The following MPP3 variants were observed in gnomAD, a reference collection of about 807,000 sequenced individuals.
MPP3 encodes MAGUK p55 subfamily member 3.
In MPP3, 48 loss-of-function variants were observed where a neutral mutation model predicts 80.7. The observed-to-expected ratio is 0.59, with a 90% CI of 0.47 to 0.76. The LOEUF is 0.76. Among genes scored for constraint, MPP3 ranks in the 30% least tolerant of loss-of-function variants. The pLI, the probability that MPP3 is intolerant of heterozygous loss-of-function variation, is 0.00. For synonymous variants in MPP3, 311 were observed against 297.6 expected (o/e 1.04, Z -0.46); for missense variants, 620 against 763.0 (o/e 0.81, Z 2.21).
chr17:43,812,760 G>T (rs1387903192), intron 16 of MPP3, among the ~76,000 whole-genome samples: 2 of 152,174 alleles, frequency 1.3e-5, no homozygotes, highest in African/African-American at 4.8e-5. Context: ...GATCCAAGGG[G>T]TTCTGAACGA....
intron 14 of MPP3, among the ~76,000 whole-genome samples, chr17:43,815,443 A>T (rs1395244576): frequency 2.6e-5 from 4 of 152,154 alleles, no homozygotes; most frequent in South Asian, 2.1e-4. Context: ...TACAAAAAAA[A>T]TTTTTTTAAT....
intron 11 of MPP3, among the ~76,000 whole-genome samples, chr17:43,819,403 G>A (rs1245044781): frequency 6.6e-6 from 1 of 152,240 alleles, no homozygotes; most frequent in African/African-American, 2.4e-5. Context: ...GAAGAATTGG[G>A]AACAACCTAA....
intron 14 of MPP3, among the ~76,000 whole-genome samples, chr17:43,814,944 T>C (rs939516743): frequency 3.9e-5 from 6 of 152,192 alleles, no homozygotes; most frequent in African/African-American, 1.4e-4. Context: ...TGAGCAAACA[T>C]GGCAAAGGAG....
intron 19 of MPP3, 68 bp downstream of exon 19, chr17:43,808,888 A>AG: frequency 6.5e-7 from 1 of 1,533,634 alleles, no homozygotes; most frequent in Non-Finnish European, 8.7e-7. Flanking sequence ...ACCCTTATGC[A>AG]GCTAGAAGCG....
Position 43,816,667 on chromosome 17 carries a change from C to A in MPP3, c.967+10G>T. The stretch of plus-strand genomic sequence containing the variant: ...CACGCCTGTGGACAGCGGATAGATA[C>A]TGGGCCTACCTTTGTCACAAGGCTG... On this transcript the variant is annotated intron_variant, in intron 13 of 19. Transcript: ENST00000398389. 6.4e-7 allele frequency: 1 copy of A among 1,573,204 alleles called. No individual in the cohort carries two copies. The highest frequency in any genetic ancestry group is 2.3e-5 in the East Asian group (1 of 43,056).
intron 14 of MPP3, 52 bp from the exon 15 acceptor site, chr17:43,814,413 G>A (rs770739666): frequency 6.5e-7 from 1 of 1,541,950 alleles, no homozygotes; most frequent in Admixed American, 1.9e-5. Flanking sequence ...GTTGTCCCAG[G>A]ATCTCCCAGT....
chr17:43,830,719 G>C (rs1598372496), intron 5 of MPP3, among the ~76,000 whole-genome samples: 1 of 152,200 alleles, frequency 6.6e-6, no homozygotes, highest in African/African-American at 2.4e-5. Flanking sequence ...GGTTAGGTGA[G>C]TTTATTCAGG....
At chr17:43,810,737 G>T (rs1197600300) in intron 18 of MPP3, 70 bp downstream of exon 18, 1 of 1,040,148 alleles carries the variant, frequency 9.6e-7, no homozygotes, top group Non-Finnish European at 1.4e-6. Flanking sequence ...GTTAAGTGTT[G>T]TGTAAAATGT....
intron 18 of MPP3, among the ~76,000 whole-genome samples, chr17:43,810,164 C>T (rs1426788249): frequency 2.0e-5 from 3 of 152,166 alleles, no homozygotes; most frequent in African/African-American, 7.2e-5. Context: ...CAGTTTATAG[C>T]ATAAAATCAG....
chr17:43,831,685 G>A lies in MPP3; in HGVS notation c.26-8C>T, dbSNP rs775272672. 2.5e-6 allele frequency: 4 copies of A among 1,599,934 alleles called. No homozygotes were observed. In the East Asian group the frequency reaches 6.7e-5, roughly 27 times the overall value. Reference sequence around the variant, plus strand: ...CCAGGGTTTCATGCAAACCTGGGGAGAGGTGAGAAAAACAAAGGATAGCAA... The same window carrying A: ...CCAGGGTTTCATGCAAACCTGGGGAAAGGTGAGAAAAACAAAGGATAGCAA... On this transcript the variant is annotated splice_region_variant and splice_polypyrimidine_tract_variant and intron_variant, in intron 3 of 19. Transcript: ENST00000398389.
intron 11 of MPP3, among the ~76,000 whole-genome samples, chr17:43,819,622 ACC>A (rs2045323104): frequency 1.3e-5 from 2 of 151,772 alleles, no homozygotes; most frequent in Non-Finnish European, 2.9e-5. Flanking sequence ...CAGGGCAGAA[ACC>A]CTGGATTCAC....
At chr17:43,810,782 A>T (rs1335105710) in intron 18 of MPP3, 25 bp downstream of exon 18, 1 of 1,499,414 alleles carries the variant, frequency 6.7e-7, no homozygotes, top group Non-Finnish European at 9.1e-7. Flanking sequence ...TTAACCAGAA[A>T]TGGCCAGCAG....
At chr17:43,825,974 G>A (rs2045678740) in intron 8 of MPP3, 133 bp from the exon 9 acceptor site, 6 of 639,800 alleles carry the variant, frequency 9.4e-6, no homozygotes, top group Non-Finnish European at 1.1e-5. Context: ...GTTGATGGGT[G>A]GGACTGGGGC....
intron 7 of MPP3, 55 bp downstream of exon 7, chr17:43,829,598 TG>T (rs2045864607): frequency 6.3e-7 from 1 of 1,593,992 alleles, no homozygotes; most frequent in South Asian, 1.1e-5. Flanking sequence ...GTGTTCTGGG[TG>T]GGGGTGAGAG....
At chr17:43,816,153 G>T in intron 13 of MPP3, 74 bp from the exon 14 acceptor site, 1 of 1,357,934 alleles carries the variant, frequency 7.4e-7, no homozygotes. Flanking sequence ...CCAGCCCCTG[G>T]ATGGCCAGGC....
intron 14 of MPP3, chr17:43,814,694 G>C (rs1171390010): frequency 1.9e-5 from 4 of 213,946 alleles, no homozygotes; most frequent in Non-Finnish European, 3.7e-5. Flanking sequence ...TCCTAGATTA[G>C]ATCCTGGACC....
At chr17:43,831,183 T>C (rs2045940006) in intron 5 of MPP3, 61 bp downstream of exon 5, 7 of 1,518,436 alleles carry the variant, frequency 4.6e-6, no homozygotes, top group Non-Finnish European at 6.4e-6. Flanking sequence ...CGAGGCAAGA[T>C]GAAGGAGCCC....
At chr17:43,823,809 G>C in intron 10 of MPP3, 122 bp downstream of exon 10, 1 of 677,628 alleles carries the variant, frequency 1.5e-6, no homozygotes, top group South Asian at 1.8e-5. Flanking sequence ...CAGATTACTA[G>C]GATCAGATCT....
chr17:43,824,441 G>T (rs181206851), intron 9 of MPP3, among the ~76,000 whole-genome samples: 1 of 152,188 alleles, frequency 6.6e-6, no homozygotes, highest in East Asian at 1.9e-4. Context: ...TTTCCTGCCT[G>T]ATTTGGGGCT....
Sources: allele counts gnomAD v4.1 joint callset (sites outside exome capture counted in the v4.1 genomes callset), GRCh38; gene constraint gnomAD v4.1.1; transcripts MANE v1.5; gene names NCBI Gene and HGNC (gene_info 2026-07-23, HGNC 2026-07-21).